Variants in DCLK1 observed in about 807,000 individuals in gnomAD.
DCLK1 encodes the protein doublecortin like kinase 1.
DCLK1 carries 16 observed loss-of-function variants against 86.2 expected under a neutral mutation model. That is an observed-to-expected ratio of 0.19 (90% CI 0.13 to 0.28). The LOEUF is 0.28. DCLK1 is among the 10% of genes least tolerant of loss of function. DCLK1 has a pLI of 1.00. For synonymous variants in DCLK1, 369 were observed against 370.5 expected, an observed-to-expected ratio of 1.00 and a Z score of 0.05; for missense variants, 590 against 940.2, an observed-to-expected ratio of 0.63 and a Z score of 4.87.
chr13:36,071,855 T>C (rs1883985925), intron 3 of DCLK1, among the ~76,000 whole-genome samples: 1 of 152,124 alleles, frequency 6.6e-6, no homozygotes, highest in Non-Finnish European at 1.5e-5. Flanking sequence ...ATTAATTAAT[T>C]CAAACACAAC....
intron 3 of DCLK1, among the ~76,000 whole-genome samples, chr13:36,065,267 AG>A (rs745366337): frequency 1.3e-5 from 2 of 152,222 alleles, no homozygotes; most frequent in Non-Finnish European, 2.9e-5. Context: ...CACATCTTAC[AG>A]GGTTGTTGTG....
intron 3 of DCLK1, among the ~76,000 whole-genome samples, chr13:35,990,618 T>C (rs759518886): frequency 2.1e-4 from 32 of 152,098 alleles, no homozygotes; most frequent in South Asian, 1.4e-3. Flanking sequence ...ATACAGAGTG[T>C]AGGACTTCCA....
rs1345921409 is a variant in DCLK1, at chr13:35,917,068, A to C, written c.823+30290T>G. 3.9e-5 allele frequency among the ~76,000 whole-genome samples: 6 copies of C among 152,212 alleles called. No homozygotes were observed. In the East Asian group the frequency reaches 1.2e-3, roughly 29 times the overall value. On this transcript the variant is annotated intron_variant, in intron 4 of 16. Transcript: ENST00000360631. Reference sequence around the variant, plus strand: ...ACAAACAGGCCTTGCTTAACCCCCCAGTTCATGACACTTAACTCATACCCT... The same window carrying C: ...ACAAACAGGCCTTGCTTAACCCCCCCGTTCATGACACTTAACTCATACCCT...
chr13:35,913,811 G>A (rs138861084), intron 4 of DCLK1, among the ~76,000 whole-genome samples: 134 of 152,088 alleles, frequency 8.8e-4, no homozygotes, highest in African/African-American at 2.9e-3. Context: ...CAGAAGTTAC[G>A]GAAGCATAAT....
intron 4 of DCLK1, among the ~76,000 whole-genome samples, chr13:35,931,935 TCA>T (rs1215779291): frequency 1.3e-5 from 2 of 152,208 alleles, no homozygotes; most frequent in African/African-American, 4.8e-5. Flanking sequence ...TCCAGGATCC[TCA>T]GTTTTAATTC....
At chr13:36,121,570 T>C (rs966710242) in intron 2 of DCLK1, among the ~76,000 whole-genome samples, 2 of 121,968 alleles carry the variant, frequency 1.6e-5, no homozygotes, top group East Asian at 7.1e-4. Context: ...TATTTGTTAT[T>C]GTTGTTAATT....
chr13:35,847,068 C>T (rs1041174648), intron 6 of DCLK1: 7 of 984,620 alleles, frequency 7.1e-6, no homozygotes, highest in Non-Finnish European at 7.2e-6. Context: ...CACTACAAGC[C>T]ATCCATACAC....
chr13:35,916,119 T>C (rs903913560), intron 4 of DCLK1, among the ~76,000 whole-genome samples: 3 of 152,188 alleles, frequency 2.0e-5, no homozygotes, highest in African/African-American at 4.8e-5. Context: ...CCTGTTAGCA[T>C]AGGCTTACAC....
chr13:35,800,510 C>G (rs898170417), intron 15 of DCLK1, among the ~76,000 whole-genome samples: 1 of 152,132 alleles, frequency 6.6e-6, no homozygotes, highest in African/African-American at 2.4e-5. Context: ...TCGCTCATGA[C>G]TCTTTCAACA....
chr13:35,867,933 G>GAAAGAAAGAA lies in DCLK1; in HGVS notation c.940+3281_940+3290dup, dbSNP rs1447925483. 3.0e-5 allele frequency among the ~76,000 whole-genome samples: 4 copies of GAAAGAAAGAA among 132,996 alleles called. No homozygotes were observed. In the East Asian group the frequency reaches 9.0e-4, roughly 30 times the overall value. The allele number at this position is 132,996 out of a possible 152,430, so 87.3% of individuals were successfully genotyped here. On this transcript the variant is annotated intron_variant, in intron 5 of 16. Transcript: ENST00000360631. ...AAAAAGAAAGAAAGAAAGAAAGAAA[G>GAAAGAAAGAA]AAAGAAAGAAAGAAAGAAAGAAAGA... is the stretch of plus-strand genomic sequence containing the variant.
At chr13:36,029,423 G>A (rs1160225785) in intron 3 of DCLK1, among the ~76,000 whole-genome samples, 3 of 152,174 alleles carry the variant, frequency 2.0e-5, no homozygotes, top group Non-Finnish European at 2.9e-5. Context: ...GCATTCCCCA[G>A]TGTCTTGCAG....
intron 3 of DCLK1, among the ~76,000 whole-genome samples, chr13:36,056,410 G>A (rs1883311179): frequency 9.0e-6 from 1 of 111,116 alleles, no homozygotes; most frequent in South Asian, 3.6e-4. Context: ...GGTGGGAATT[G>A]AACAATGAGA....
chr13:36,029,735 G>GAAACCAATGGAA (rs1252917313), intron 3 of DCLK1, among the ~76,000 whole-genome samples: 1 of 152,094 alleles, frequency 6.6e-6, no homozygotes, highest in Non-Finnish European at 1.5e-5. Flanking sequence ...TTATGTATTA[G>GAAACCAATGGAA]AAACCAATGG....
chr13:35,943,285 G>A (rs1487705704), intron 4 of DCLK1, among the ~76,000 whole-genome samples: 1 of 152,130 alleles, frequency 6.6e-6, no homozygotes, highest in East Asian at 1.9e-4. Flanking sequence ...AAGAGATGAG[G>A]ACGGATTCTT....
At chr13:35,802,214 C>T (rs1009992146) in intron 15 of DCLK1, among the ~76,000 whole-genome samples, 1 of 151,968 alleles carries the variant, frequency 6.6e-6, no homozygotes, top group African/African-American at 2.4e-5. Flanking sequence ...CACCTGGGGT[C>T]CCAGCTACTT....
intron 3 of DCLK1, among the ~76,000 whole-genome samples, chr13:35,963,360 TTAATTCTAC>T (rs1878559736): frequency 6.6e-6 from 1 of 152,184 alleles, no homozygotes; most frequent in South Asian, 2.1e-4. Context: ...TGGAAATATT[TTAATTCTAC>T]AATTTACTAG....
At chr13:35,925,330 C>T (rs531913185) in intron 4 of DCLK1, among the ~76,000 whole-genome samples, 3 of 152,178 alleles carry the variant, frequency 2.0e-5, no homozygotes, top group Non-Finnish European at 4.4e-5. Flanking sequence ...TGTCATCACT[C>T]TAAATAATTC....
intron 3 of DCLK1, among the ~76,000 whole-genome samples, chr13:36,019,900 T>C (rs970667846): frequency 1.3e-5 from 2 of 152,200 alleles, no homozygotes; most frequent in African/African-American, 4.8e-5. Context: ...CAGGTTGAAA[T>C]TCGATCTCCA....
At chr13:36,116,149 C>T (rs1349643290) in intron 2 of DCLK1, among the ~76,000 whole-genome samples, 1 of 151,780 alleles carries the variant, frequency 6.6e-6, no homozygotes, top group Non-Finnish European at 1.5e-5. Flanking sequence ...AGGATTTCAT[C>T]ATGTTGGCCC....
Sources: allele counts gnomAD v4.1 joint callset (sites outside exome capture counted in the v4.1 genomes callset), GRCh38; gene constraint gnomAD v4.1.1; transcripts MANE v1.5; gene names NCBI Gene and HGNC (gene_info 2026-07-23, HGNC 2026-07-21).